Variants in UBE2W observed in about 807,000 individuals in gnomAD.
The protein encoded by UBE2W is ubiquitin-conjugating enzyme E2 W.
Under a neutral mutation model 27.2 loss-of-function variants are expected in UBE2W, and 18 were observed. The ratio of observed to expected loss-of-function variants is 0.66; its 90% CI spans 0.46 to 0.98. UBE2W has a LOEUF of 0.98. Among genes scored for constraint, UBE2W ranks in the 50% least tolerant of loss-of-function variants. UBE2W has a pLI of 0.00. For synonymous variants in UBE2W, 53 were observed against 57.2 expected (o/e 0.93, Z 0.33); for missense variants, 90 against 180.2 (o/e 0.50, Z 2.87).
In UBE2W at chr8:73,830,454, GTTCT is replaced by G. The variant is rs749897940; in HGVS notation, c.30_33del (p.Lys10AsnfsTer13). 6.2e-7 allele frequency: 1 copy of G among 1,613,722 alleles called. No individual in the cohort carries two copies. The highest frequency in any genetic ancestry group is 1.1e-5 in the South Asian group (1 of 91,068). Reference sequence around the variant, plus strand: ...GGTGGGTCATTTTGCAAAGCCAACAGTTCTTTCTGTAGTCGTTTCTAGAAAAGAA... The same window carrying G: ...GGTGGGTCATTTTGCAAAGCCAACAGTTCTGTAGTCGTTTCTAGAAAAGAA... On this transcript the variant is annotated frameshift_variant, in exon 2 of 6. Transcript: ENST00000602593. LOFTEE classifies it high-confidence loss of function.
downstream of UBE2W, among the ~76,000 whole-genome samples, chr8:73,782,062 T>C (rs112566779): frequency 9.7e-3 from 1,469 of 150,730 alleles, 21 homozygotes; most frequent in African/African-American, 0.034. Context: ...TGCCTCAGCC[T>C]CCTGAGTAGC....
chr8:73,803,261 G>T (rs1424182961), intron 5 of UBE2W, among the ~76,000 whole-genome samples: 1 of 151,980 alleles, frequency 6.6e-6, no homozygotes, highest in East Asian at 1.9e-4. Flanking sequence ...GAACCCACAA[G>T]AAATATTTTA....
intron 3 of UBE2W, among the ~76,000 whole-genome samples, chr8:73,824,691 C>T (rs770462932): frequency 4.6e-5 from 7 of 152,158 alleles, no homozygotes; most frequent in Admixed American, 1.3e-4. Context: ...TCATAAAGAG[C>T]GTGCTATCTA....
intron 1 of UBE2W, among the ~76,000 whole-genome samples, chr8:73,871,769 AAGGAG>A (rs1269275437): frequency 6.6e-6 from 1 of 152,228 alleles, no homozygotes; most frequent in Non-Finnish European, 1.5e-5. Context: ...GGTAAATACT[AAGGAG>A]AACTATATTT....
chr8:73,811,196 T>C (rs919012289), intron 3 of UBE2W, among the ~76,000 whole-genome samples: 1 of 152,154 alleles, frequency 6.6e-6, no homozygotes, highest in Non-Finnish European at 1.5e-5. Flanking sequence ...TAAATAACTA[T>C]GTGCCTAGAC....
rs568718196 is a variant in UBE2W at position 73,835,059 on chromosome 8, T to A, written c.16-4587A>T. Among the ~76,000 whole-genome samples the A allele has an allele frequency of 1.7e-4, 26 of 152,268 alleles. No homozygotes were observed. The South Asian group carries it at 5.4e-3, about 32-fold the overall frequency. ...GAAATCTTCCAGATCTTGAGAACTT[T>A]ACTAAGTCAAGAAGGATAATCCTTC... On this transcript the variant is annotated intron_variant, in intron 1 of 5. Coordinates refer to ENST00000602593, the MANE Select transcript of UBE2W (RefSeq NM_018299.6).
intron 1 of UBE2W, among the ~76,000 whole-genome samples, chr8:73,837,330 T>C (rs557637531): frequency 6.6e-6 from 1 of 152,176 alleles, no homozygotes; most frequent in Non-Finnish European, 1.5e-5. Flanking sequence ...CTGGCCAACA[T>C]AGTGAAACCC....
In UBE2W at chr8:73,788,766, T is replaced by C. The variant is rs1808069871; in HGVS notation, c.*5336A>G. 2.0e-6 allele frequency: 2 copies of C among 985,294 alleles called. No homozygotes were observed. The highest frequency in any genetic ancestry group is 2.4e-6 in the Non-Finnish European group (2 of 829,934). The allele number at this position is 985,294 out of a possible 1,614,324, so 61.0% of individuals were successfully genotyped here. On this transcript the variant is annotated 3_prime_UTR_variant, in exon 6 of 6. Coordinates refer to ENST00000602593, the MANE Select transcript of UBE2W (RefSeq NM_018299.6). ...ATGAGAAAACAACTTAGAATCGTTG[T>C]AGGACCATCCTTTTCTCAAAACCCA...
In UBE2W at chr8:73,809,269, A is replaced by T. The variant is rs192179331; in HGVS notation, c.366+1205T>A. Among the ~76,000 whole-genome samples, 744 of 152,314 alleles carry T rather than the reference A, an allele frequency of 4.9e-3. 11 individuals are homozygous for T. Among genetic ancestry groups the T allele is most frequent in the Non-Finnish European group, 3.1e-3 (213 of 68,028 alleles). The stretch of plus-strand genomic sequence containing the variant: ...TTCAGATTCTAAATAACCTATCATT[A>T]AAAAATGAACTATTATCTTAAAAGT... On this transcript the variant is annotated intron_variant, in intron 4 of 5. Coordinates refer to ENST00000602593, the MANE Select transcript of UBE2W (RefSeq NM_018299.6).
At chr8:73,856,420 A>G (rs1184931701) in intron 1 of UBE2W, among the ~76,000 whole-genome samples, 1 of 125,966 alleles carries the variant, frequency 7.9e-6, no homozygotes, top group East Asian at 2.5e-4. Flanking sequence ...GCTGGAGTGC[A>G]GTAGCACGAT....
rs527695368 is a variant in UBE2W, at chr8:73,800,727, A to C, written c.442+4924T>G. ...GGAGATTACGTGTCTCCAAACTACTAAAAAGAACTTTCTACTTCAGTCAGC... is the reference window on the plus strand; with the variant it reads ...GGAGATTACGTGTCTCCAAACTACTCAAAAGAACTTTCTACTTCAGTCAGC... On this transcript the variant is annotated intron_variant, in intron 5 of 5. Transcript: ENST00000602593. Among the ~76,000 whole-genome samples, 7 of 152,304 alleles carry C rather than the reference A, an allele frequency of 4.6e-5. No individual in the cohort carries two copies. In the East Asian group the frequency reaches 1.3e-3, roughly 29 times the overall value.
chr8:73,815,325 C>T (rs1809340619), intron 3 of UBE2W, among the ~76,000 whole-genome samples: 1 of 152,050 alleles, frequency 6.6e-6, no homozygotes, highest in Non-Finnish European at 1.5e-5. Context: ...AGTTGAGCTA[C>T]GATAGCCCAT....
chr8:73,781,616 T>TG (rs1423180756), downstream of UBE2W, among the ~76,000 whole-genome samples: 22 of 104,604 alleles, frequency 2.1e-4, no homozygotes, highest in East Asian at 4.4e-3. Context: ...GACTCAGGTT[T>TG]GGGTTTTTTT....
chr8:73,832,109 A>AAAAC (rs1285440372), intron 1 of UBE2W, among the ~76,000 whole-genome samples: 3 of 148,300 alleles, frequency 2.0e-5, no homozygotes, highest in African/African-American at 7.8e-5. Flanking sequence ...TGTCTCTACA[A>AAAAC]AAACAAACAA....
At chr8:73,801,053 GC>G (rs1808619532) in intron 5 of UBE2W, among the ~76,000 whole-genome samples, 1 of 152,084 alleles carries the variant, frequency 6.6e-6, no homozygotes, top group Non-Finnish European at 1.5e-5. Context: ...TGGCGCCACT[GC>G]ACTCCAGCCT....
intron 5 of UBE2W, among the ~76,000 whole-genome samples, 198 bp downstream of exon 5, chr8:73,805,453 T>TCAAAAAAAAAACAAAAAA (rs1808834376): frequency 1.4e-3 from 1 of 706 alleles, no homozygotes; most frequent in Non-Finnish European, 2.5e-3. Context: ...AAACTCCATC[T>TCAAAAAAAAAACAAAAAA]CAAAAAAAAA....
chr8:73,831,219 C>A, intron 1 of UBE2W: 1 of 399,838 alleles, frequency 2.5e-6, no homozygotes, highest in Non-Finnish European at 4.6e-6. Context: ...GCTGGAAGAC[C>A]TAGAAGGCAT....
chr8:73,877,151 C>A (rs950648077), intron 1 of UBE2W, among the ~76,000 whole-genome samples: 1 of 152,124 alleles, frequency 6.6e-6, no homozygotes, highest in African/African-American at 2.4e-5. Context: ...AATCTTAATA[C>A]AGATAATAAT....
chr8:73,870,392 GAAA>G, intron 1 of UBE2W: 10 of 858,004 alleles, frequency 1.2e-5, no homozygotes, highest in South Asian at 7.1e-5. Context: ...CTAGAAATCA[GAAA>G]AAAAAAAAAG....
Sources: gnomAD v4.1 joint callset for allele counts (sites outside exome capture counted in the v4.1 genomes callset) on GRCh38, gnomAD v4.1.1 for gene constraint, MANE v1.5 for transcripts, NCBI Gene and HGNC (gene_info 2026-07-23, HGNC 2026-07-21) for gene names.